Variants in PHF20L1 observed in about 807,000 individuals in gnomAD.
The protein encoded by PHF20L1 is PHD finger protein 20 like 1, also known as PHD finger protein 20-like protein 1.
A neutral mutation model predicts 125.5 loss-of-function variants in PHF20L1; 44 were observed. That is an observed-to-expected ratio of 0.35 (90% confidence interval 0.28 to 0.45). PHF20L1 has a LOEUF of 0.45. PHF20L1 is among the 20% of genes least tolerant of loss of function. The probability of loss-of-function intolerance (pLI) is 1.00; values close to 1 mark genes in which losing one functional copy is unlikely to be tolerated. For missense variants in PHF20L1, 1,012 were observed against 1,217.2 expected, an observed-to-expected ratio of 0.83 and a Z score of 2.51; for synonymous variants, 380 against 403.1, an observed-to-expected ratio of 0.94 and a Z score of 0.69.
At chr8:132,817,164 T>A in intron 11 of PHF20L1, 88 bp downstream of exon 11, 2 of 953,092 alleles carry the variant, frequency 2.1e-6, no homozygotes, top group Non-Finnish European at 3.0e-6. Context: ...TATTAAGATA[T>A]TTCTGCTCTT....
At chr8:132,789,847 A>G (rs1348299971) in intron 2 of PHF20L1, among the ~76,000 whole-genome samples, 1 of 152,176 alleles carries the variant, frequency 6.6e-6, no homozygotes, top group Non-Finnish European at 1.5e-5. Flanking sequence ...GAATTTTGGC[A>G]CTGAGAAATC....
chr8:132,843,515 A>G (rs771542425), intron 19 of PHF20L1: 111 of 984,442 alleles, frequency 1.1e-4, no homozygotes, highest in Non-Finnish European at 1.3e-4. Context: ...GAACGTTTGT[A>G]TTTCGTATCA....
At chr8:132,825,743 A>G (rs1033326224) in intron 14 of PHF20L1, among the ~76,000 whole-genome samples, 9 of 152,026 alleles carry the variant, frequency 5.9e-5, no homozygotes, top group Non-Finnish European at 1.5e-5. Context: ...TTTTTAGAAG[A>G]ATTTGAGAAA....
intron 16 of PHF20L1, 53 bp from the exon 17 acceptor site, chr8:132,837,659 A>C: frequency 7.2e-7 from 1 of 1,386,764 alleles, no homozygotes; most frequent in Non-Finnish European, 1.0e-6. Flanking sequence ...CCTTATTCCT[A>C]GCTTATTCCT....
At position 132,847,219 on chromosome 8, in the gene PHF20L1, A is replaced by G. The variant is rs1212335237; in HGVS notation, c.*1296A>G. On this transcript the variant is annotated 3_prime_UTR_variant, in exon 21 of 21. Coordinates refer to ENST00000395386, the MANE Select transcript of PHF20L1 (RefSeq NM_016018.5). ...CATAATCTACACATATTTATATCAC[A>G]TATCTAGTTTTATTACTATAGACTA... 6.6e-6 allele frequency: 1 copy of G among 152,636 alleles called. No homozygotes were observed. The highest frequency in any genetic ancestry group is 2.4e-5 in the African/African-American group (1 of 41,466). 9.5% of individuals were successfully genotyped at this position (152,636 alleles called of 1,614,324 possible). A position where few individuals can be genotyped will look rare whatever the true frequency, so the allele number is the denominator to read the frequency against.
intron 8 of PHF20L1, chr8:132,810,483 T>C (rs1427695397): frequency 2.0e-5 from 3 of 152,124 alleles, no homozygotes; most frequent in African/African-American, 7.3e-5. Context: ...ACCCACACTT[T>C]TTCTCTTAAC....
At chr8:132,787,542 A>G (rs942722989) in intron 2 of PHF20L1, among the ~76,000 whole-genome samples, 30 of 152,128 alleles carry the variant, frequency 2.0e-4, no homozygotes, top group Non-Finnish European at 3.8e-4. Context: ...CCTATGAGCT[A>G]TCATCTGAAT....
At chr8:132,813,291 A>G (rs1343232870) in intron 9 of PHF20L1, 2 of 168,158 alleles carry the variant, frequency 1.2e-5, no homozygotes, top group Non-Finnish European at 2.4e-5. Flanking sequence ...CTGCACTTAT[A>G]CACATTTATA....
At chr8:132,842,423 C>A in intron 18 of PHF20L1, 92 bp from the exon 19 acceptor site, 1 of 1,204,224 alleles carries the variant, frequency 8.3e-7, no homozygotes, top group Non-Finnish European at 1.1e-6. Context: ...TAGATGTCCT[C>A]CTAACCTAAT....
intron 19 of PHF20L1, chr8:132,843,147 A>C (rs897580392): frequency 5.3e-5 from 59 of 1,102,912 alleles, no homozygotes; most frequent in Non-Finnish European, 6.3e-5. Context: ...ATGCTTCTAA[A>C]AAATGAACCA....
intron 8 of PHF20L1, 58 bp downstream of exon 8, chr8:132,804,798 A>G: frequency 2.1e-6 from 3 of 1,416,040 alleles, no homozygotes; most frequent in East Asian, 2.3e-5. Flanking sequence ...ATTTTAGAGT[A>G]ATTTATTTTT....
At position 132,828,646 on chromosome 8, in the gene PHF20L1, T is replaced by C. The variant is rs777055295; in HGVS notation, c.1744+3275T>C. 1.1e-3 allele frequency among the ~76,000 whole-genome samples: 161 copies of C among 152,058 alleles called. 1 individual carries two copies. The highest frequency in any genetic ancestry group is 1.1e-3 in the Non-Finnish European group (78 of 67,970). On this transcript the variant is annotated intron_variant, in intron 14 of 20. Coordinates refer to ENST00000395386, the MANE Select transcript of PHF20L1 (RefSeq NM_016018.5). ...GATATGTTTTGATTAACATAATTGG[T>C]TTACAAGACATAATACTAACATTGT...
intron 2 of PHF20L1, among the ~76,000 whole-genome samples, chr8:132,781,723 G>T (rs1187117937): frequency 2.6e-5 from 4 of 152,154 alleles, no homozygotes; most frequent in African/African-American, 9.7e-5. Context: ...GAGCCACTGC[G>T]CCAGGCCTAA....
intron 12 of PHF20L1, among the ~76,000 whole-genome samples, chr8:132,819,953 A>C (rs1835397028): frequency 6.6e-6 from 1 of 151,874 alleles, no homozygotes; most frequent in Non-Finnish European, 1.5e-5. Context: ...ATAAATTCAC[A>C]CTGTTGAGTT....
At position 132,817,533 on chromosome 8, in the gene PHF20L1, CCAG is replaced by C. The variant is rs1234083573; in HGVS notation, c.1577_1579del (p.Ala526del). ...AGCAATAGCTGATGGAAGAGGAGCT[CCAG>C]CAGCAGCAGGTAAAAGAAAAAAAAT... is the stretch of plus-strand genomic sequence containing the variant. On this transcript the variant is annotated inframe_deletion, in exon 12 of 21. Coordinates refer to ENST00000395386, the MANE Select transcript of PHF20L1 (RefSeq NM_016018.5). 7 of 1,610,340 alleles carry C rather than the reference CCAG, an allele frequency of 4.3e-6. No individual in the cohort carries two copies. Among genetic ancestry groups the C allele is most frequent in the South Asian group, 1.1e-5 (1 of 90,844 alleles).
At chr8:132,805,253 C>T (rs896339611) in intron 8 of PHF20L1, among the ~76,000 whole-genome samples, 2 of 151,696 alleles carry the variant, frequency 1.3e-5, no homozygotes, top group African/African-American at 2.4e-5. Flanking sequence ...TTAATTTTTA[C>T]TCTTCAGGTT....
intron 2 of PHF20L1, among the ~76,000 whole-genome samples, chr8:132,788,028 T>C (rs1352709461): frequency 6.6e-6 from 1 of 152,116 alleles, no homozygotes; most frequent in Non-Finnish European, 1.5e-5. Flanking sequence ...TTTGAATTGT[T>C]AGTCCTAGAT....
chr8:132,786,303 C>T, intron 2 of PHF20L1, among the ~76,000 whole-genome samples: 1 of 151,804 alleles, frequency 6.6e-6, no homozygotes. Context: ...AGATGTAGTG[C>T]CCTTTTGTTT....
chr8:132,833,251 A>T (rs1836973186), intron 15 of PHF20L1, among the ~76,000 whole-genome samples: 1 of 152,006 alleles, frequency 6.6e-6, no homozygotes, highest in South Asian at 2.1e-4. Flanking sequence ...TCGATGGTGG[A>T]TACTAGGTTA....
Sources: gnomAD v4.1 joint callset for allele counts (sites outside exome capture counted in the v4.1 genomes callset) on GRCh38, gnomAD v4.1.1 for gene constraint, MANE v1.5 for transcripts, NCBI Gene and HGNC (gene_info 2026-07-23, HGNC 2026-07-21) for gene names.